CROCC2: variants seen among roughly 807,000 people sequenced by gnomAD.
CROCC2 encodes the protein ciliary rootlet coiled-coil protein 2.
CROCC2 carries 163 observed loss-of-function variants against 177.6 expected under a neutral mutation model. That is an observed-to-expected ratio of 0.92 (90% confidence interval 0.81 to 1.05). The LOEUF is 1.05. Ranked by LOEUF, CROCC2 falls within the 50% of genes least tolerant of loss-of-function variation. The pLI, the probability that CROCC2 is intolerant of heterozygous loss-of-function variation, is 0.00. For missense variants in CROCC2, 1,929 were observed against 1,797.8 expected, an observed-to-expected ratio of 1.07 and a Z score of -1.32; for synonymous variants, 904 against 787.3, an observed-to-expected ratio of 1.15 and a Z score of -2.48.
chr2:240,915,820 T>C (rs1275812061), intron 1 of CROCC2, among the ~76,000 whole-genome samples: 1 of 152,096 alleles, frequency 6.6e-6, no homozygotes, highest in Non-Finnish European at 1.5e-5. Flanking sequence ...TAATGCAGGT[T>C]GAGCTGAAGA....
intron 4 of CROCC2, among the ~76,000 whole-genome samples, chr2:240,924,982 GCCCCCACACTGACCCGGC>G (rs2059386132): frequency 7.0e-5 from 5 of 71,306 alleles, no homozygotes; most frequent in South Asian, 1.2e-3. Flanking sequence ...CACTGACCCG[GCCCCCACACTGACCCGGC>G]CCCCCACACT....
chr2:240,958,605 G>A lies in CROCC2; in HGVS notation c.2944-696G>A, dbSNP rs2059609016. 1 of 985,076 alleles carries A rather than the reference G, an allele frequency of 1.0e-6. No homozygotes were observed. The highest frequency in any genetic ancestry group is 6.1e-5 in the Admixed American group (1 of 16,272). The allele number at this position is 985,076 out of a possible 1,614,324, so 61.0% of individuals were successfully genotyped here. A position where few individuals can be genotyped will look rare whatever the true frequency, so the allele number is the denominator to read the frequency against. On this transcript the variant is annotated intron_variant, in intron 19 of 31. Coordinates refer to ENST00000690015, the MANE Select transcript of CROCC2 (RefSeq NM_001351305.2). The surrounding 1 kb of genome is among the most constrained non-coding windows in gnomAD (Gnocchi z 6.7). ...CCCCGCCAGCCGCCTGCTGCTGCCT[G>A]GAGGCTTGGTCCAGTCCCCTGAACC...
chr2:240,907,600 G>C (rs1409672118), intron 1 of CROCC2, among the ~76,000 whole-genome samples: 2 of 152,190 alleles, frequency 1.3e-5, no homozygotes, highest in Non-Finnish European at 2.9e-5. Context: ...CGAGTGACAG[G>C]GTAGATGCAG....
intron 14 of CROCC2, among the ~76,000 whole-genome samples, chr2:240,938,921 G>A (rs549749200): frequency 5.2e-4 from 79 of 152,108 alleles, no homozygotes; most frequent in African/African-American, 1.8e-3. Flanking sequence ...TCACTTATAA[G>A]TACTAAGGTT....
Position 240,955,937 on chromosome 2 carries a change from C to T in CROCC2, c.2908C>T (p.Gln970Ter). The change falls in exon 19 of 32, where the codon CAG becomes TAG. Residue 970 changes from glutamine to a stop codon, truncating the protein, a stop_gained. Coordinates refer to ENST00000690015, the MANE Select transcript of CROCC2 (RefSeq NM_001351305.2). LOFTEE classifies it high-confidence loss of function. ...SRARRTLERV[Q>*]QEAQSQQEQA... ...GGCCAGGAGGACGCTAGAGCGGGTA[C>T]AGCAGGAGGCACAGAGCCAGCAGGA... is the stretch of plus-strand genomic sequence containing the variant. 11 of 1,534,752 alleles carry T rather than the reference C, an allele frequency of 7.2e-6. No homozygotes were observed. The highest frequency in any genetic ancestry group is 9.6e-6 in the Non-Finnish European group (11 of 1,146,906).
In CROCC2 at chr2:240,919,870, C is replaced by G. The variant is rs568995831; in HGVS notation, c.230-113C>G. 1,002 of 585,164 alleles carry G rather than the reference C, an allele frequency of 1.7e-3. 9 individuals are homozygous for G. The African/African-American group carries it at 0.018, about 10-fold the overall frequency. The allele number at this position is 585,164 out of a possible 1,614,324, so 36.2% of individuals were successfully genotyped here. A position where few individuals can be genotyped will look rare whatever the true frequency, so the allele number is the denominator to read the frequency against. On this transcript the variant is annotated intron_variant, in intron 2 of 31. Coordinates refer to ENST00000690015, the MANE Select transcript of CROCC2 (RefSeq NM_001351305.2). ...CCCCTCCCAGGAGATGGGGGCAGGT[C>G]CAGCAGCTGGAGCCTGGTGGCCAGC...
At chr2:240,964,431 G>A (rs60297118) in intron 21 of CROCC2, 35 bp from the exon 22 acceptor site, 11 of 1,547,978 alleles carry the variant, frequency 7.1e-6, no homozygotes, top group Non-Finnish European at 7.8e-6. Flanking sequence ...CCCACCAGGA[G>A]GTGCGGGGGC....
At position 240,967,456 on chromosome 2, in the gene CROCC2, G is replaced by C; in HGVS notation, c.4258G>C (p.Ala1420Pro). 1 of 1,492,690 alleles carries C rather than the reference G, an allele frequency of 6.7e-7. No homozygotes were observed. Among genetic ancestry groups the C allele is most frequent in the Non-Finnish European group, 9.1e-7 (1 of 1,094,452 alleles). 92.5% of individuals were successfully genotyped at this position (1,492,690 alleles called of 1,614,324 possible). ...GCAGCTGCAGAAAGCCCTGGCTGAGGCGGAAGAAGGTGACCTCCCTTGCCC... is the reference window on the plus strand; with the variant it reads ...GCAGCTGCAGAAAGCCCTGGCTGAGCCGGAAGAAGGTGACCTCCCTTGCCC... ...VGQLQKALAE[A>P]EEGQRRVEGA... Residue 1420 changes from alanine (A) to proline (P), a missense_variant, in exon 26 of 32, where the codon GCG becomes CCG. Coordinates refer to ENST00000690015, the MANE Select transcript of CROCC2 (RefSeq NM_001351305.2).
intron 14 of CROCC2, among the ~76,000 whole-genome samples, chr2:240,936,698 C>G (rs1559597338): frequency 6.6e-6 from 1 of 152,210 alleles, no homozygotes; most frequent in African/African-American, 2.4e-5. Context: ...ATCACTGGGA[C>G]CAGCACCCAG....
At chr2:240,915,428 C>A (rs1402986911) in intron 1 of CROCC2, among the ~76,000 whole-genome samples, 1 of 152,204 alleles carries the variant, frequency 6.6e-6, no homozygotes, top group South Asian at 2.1e-4. Context: ...CGTGGTCCAT[C>A]CACTGCACCC....
At chr2:240,946,311 T>G (rs2059524228) in intron 15 of CROCC2, 58 bp downstream of exon 15, 2 of 1,450,186 alleles carry the variant, frequency 1.4e-6, no homozygotes, top group Admixed American at 2.2e-5. Flanking sequence ...ACAGAGAGTC[T>G]GCAGTGTGGC....
chr2:240,944,343 G>A (rs1014667729), intron 14 of CROCC2, among the ~76,000 whole-genome samples: 1 of 152,040 alleles, frequency 6.6e-6, no homozygotes, highest in Non-Finnish European at 1.5e-5. Context: ...TAAGTCTGTG[G>A]CTAGATGTAT....
At chr2:240,926,407 C>T (rs1025868932) in intron 5 of CROCC2, among the ~76,000 whole-genome samples, 1 of 152,226 alleles carries the variant, frequency 6.6e-6, no homozygotes, top group Non-Finnish European at 1.5e-5. Flanking sequence ...ATGCCCTGCT[C>T]GGATCTCTCC....
At chr2:240,921,696 C>T (rs908321071) in intron 3 of CROCC2, among the ~76,000 whole-genome samples, 5 of 152,214 alleles carry the variant, frequency 3.3e-5, no homozygotes, top group African/African-American at 9.6e-5. Context: ...CTGACCATGG[C>T]ATCTCCATCC....
At chr2:240,931,498 A>AG (rs960538156) in intron 7 of CROCC2, among the ~76,000 whole-genome samples, 1 of 152,126 alleles carries the variant, frequency 6.6e-6, no homozygotes, top group Non-Finnish European at 1.5e-5. Context: ...AGGCAGGAAG[A>AG]GGGACCAGGC....
At chr2:240,911,567 G>C (rs2059288809) in intron 1 of CROCC2, among the ~76,000 whole-genome samples, 1 of 152,112 alleles carries the variant, frequency 6.6e-6, no homozygotes, top group Non-Finnish European at 1.5e-5. Flanking sequence ...CAAAGTGCTG[G>C]AATTACAGGT....
chr2:240,964,950 C>T (rs1574784083), intron 22 of CROCC2, among the ~76,000 whole-genome samples: 1 of 152,244 alleles, frequency 6.6e-6, no homozygotes, highest in Non-Finnish European at 1.5e-5. Context: ...CTACATGCAA[C>T]ACCTTCCGGT....
At chr2:240,907,285 C>T (rs1174806743) in intron 1 of CROCC2, among the ~76,000 whole-genome samples, 1 of 152,114 alleles carries the variant, frequency 6.6e-6, no homozygotes, top group Non-Finnish European at 1.5e-5. Context: ...GGGAATTGTC[C>T]CGTGTCCCTC....
intron 14 of CROCC2, among the ~76,000 whole-genome samples, chr2:240,944,417 A>G (rs1333192651): frequency 1.3e-5 from 2 of 152,116 alleles, no homozygotes; most frequent in African/African-American, 4.8e-5. Context: ...TCTCCTTTTG[A>G]GGCTGTAATT....
Sources: gnomAD v4.1 joint callset for allele counts (sites outside exome capture counted in the v4.1 genomes callset) on GRCh38, gnomAD v4.1.1 for gene constraint, Gnocchi (gnomAD v3.1) non-coding constraint, MANE v1.5 for transcripts, NCBI Gene and HGNC (gene_info 2026-07-23, HGNC 2026-07-21) for gene names.